The following VTI1A variants were observed in gnomAD, a reference collection of about 807,000 sequenced individuals.
The protein encoded by VTI1A is vesicle transport through interaction with t-SNAREs 1A, also known as vesicle transport through interaction with t-SNAREs homolog 1A.
A neutral mutation model predicts 34.9 loss-of-function variants in VTI1A; 22 were observed. The observed-to-expected ratio is 0.63, with a 90% CI of 0.45 to 0.90. The LOEUF is 0.90. Among genes scored for constraint, VTI1A ranks in the 40% least tolerant of loss-of-function variants. VTI1A has a pLI of 0.00. For missense variants in VTI1A, 268 were observed against 275.6 expected, an observed-to-expected ratio of 0.97 and a Z score of 0.20; for synonymous variants, 87 against 97.3, an observed-to-expected ratio of 0.89 and a Z score of 0.62.
intron 5 of VTI1A, among the ~76,000 whole-genome samples, chr10:112,662,011 A>G (rs1847479885): frequency 6.6e-6 from 1 of 152,076 alleles, no homozygotes. Context: ...ACCTCAGGTG[A>G]TCCACCTGCC....
At chr10:112,786,851 G>A (rs1852304014) in intron 7 of VTI1A, among the ~76,000 whole-genome samples, 1 of 152,136 alleles carries the variant, frequency 6.6e-6, no homozygotes, top group South Asian at 2.1e-4. Context: ...GAATTTTGGT[G>A]TCTGTGTTTA....
At chr10:112,504,180 A>G (rs1162394308) in intron 3 of VTI1A, among the ~76,000 whole-genome samples, 1 of 152,204 alleles carries the variant, frequency 6.6e-6, no homozygotes, top group East Asian at 1.9e-4. Flanking sequence ...GAAAATGATT[A>G]CAGTTATGAT....
At chr10:112,644,295 G>C (rs1846690752) in intron 5 of VTI1A, among the ~76,000 whole-genome samples, 1 of 152,210 alleles carries the variant, frequency 6.6e-6, no homozygotes, top group Non-Finnish European at 1.5e-5. Context: ...GAAGGAATTT[G>C]ACAATTTTGT....
At chr10:112,802,034 GC>G (rs1352279731) in intron 7 of VTI1A, among the ~76,000 whole-genome samples, 1 of 152,170 alleles carries the variant, frequency 6.6e-6, no homozygotes, top group African/African-American at 2.4e-5. Flanking sequence ...GATCGCTGGA[GC>G]CCGGGAATTT....
the VTI1A span, among the ~76,000 whole-genome samples, chr10:112,847,838 T>C: frequency 6.6e-6 from 1 of 152,172 alleles, no homozygotes; most frequent in Non-Finnish European, 1.5e-5. Context: ...CATTGAACAT[T>C]TCCCTAGAAT....
intron 7 of VTI1A, among the ~76,000 whole-genome samples, chr10:112,692,774 G>A (rs1048556557): frequency 2.0e-5 from 3 of 152,180 alleles, no homozygotes; most frequent in Non-Finnish European, 2.9e-5. Flanking sequence ...AATCATCTGC[G>A]TGTTGCCTAA....
chr10:112,752,992 G>T (rs762415934), intron 7 of VTI1A, among the ~76,000 whole-genome samples: 9 of 151,414 alleles, frequency 5.9e-5, no homozygotes, highest in South Asian at 4.2e-4. Context: ...CTGAAAAACG[G>T]TTTTTTTTCC....
At chr10:112,703,762 C>T (rs954182962) in intron 7 of VTI1A, among the ~76,000 whole-genome samples, 7 of 152,156 alleles carry the variant, frequency 4.6e-5, no homozygotes, top group African/African-American at 1.7e-4. Context: ...CTACTTCACT[C>T]ATCCTCACTC....
rs1383803487 is a variant in VTI1A at position 112,767,872 on chromosome 10, C to T, written c.561-47418C>T. Among the ~76,000 whole-genome samples, 1 of 152,132 alleles carries T rather than the reference C, an allele frequency of 6.6e-6. No homozygotes were observed. The highest frequency in any genetic ancestry group is 1.5e-5 in the Non-Finnish European group (1 of 68,026). On this transcript the variant is annotated intron_variant, in intron 7 of 7. Coordinates refer to ENST00000393077, the MANE Select transcript of VTI1A (RefSeq NM_145206.4). The surrounding 1 kb of genome is among the most constrained non-coding windows in gnomAD (Gnocchi z 4.0). ...TGGGCCCTTCACCTCTTCCTAGGAC[C>T]AGTCTTGTCATCAGGCATCTTGGGG...
chr10:112,710,741 C>T (rs1201454432), intron 7 of VTI1A, among the ~76,000 whole-genome samples: 1 of 152,060 alleles, frequency 6.6e-6, no homozygotes, highest in Non-Finnish European at 1.5e-5. Context: ...GAGTTATCTG[C>T]CTTAGCTCTG....
At chr10:112,671,634 G>A (rs576360083) in intron 7 of VTI1A, among the ~76,000 whole-genome samples, 11 of 152,250 alleles carry the variant, frequency 7.2e-5, no homozygotes, top group South Asian at 2.1e-4. Flanking sequence ...GCCATTTTAC[G>A]TATGGTCTGT....
At chr10:112,736,268 C>A (rs946689551) in intron 7 of VTI1A, among the ~76,000 whole-genome samples, 6 of 151,528 alleles carry the variant, frequency 4.0e-5, no homozygotes, top group Non-Finnish European at 8.8e-5. Context: ...TACCTAATAT[C>A]TCATATTTAT....
chr10:112,726,443 G>C (rs1850030248), intron 7 of VTI1A, among the ~76,000 whole-genome samples: 1 of 152,126 alleles, frequency 6.6e-6, no homozygotes. Context: ...TCTTAACCCA[G>C]AACAACCATG....
intron 5 of VTI1A, among the ~76,000 whole-genome samples, chr10:112,551,580 C>T (rs1589893675): frequency 6.6e-6 from 1 of 152,154 alleles, no homozygotes; most frequent in African/African-American, 2.4e-5. Context: ...AATCCTGGCA[C>T]TGTCCTTGGC....
At chr10:112,515,307 G>A (rs2134189982) in intron 3 of VTI1A, among the ~76,000 whole-genome samples, 1 of 152,094 alleles carries the variant, frequency 6.6e-6, no homozygotes, top group East Asian at 1.9e-4. Flanking sequence ...AAACATAATG[G>A]AGGAAATTAA....
intron 6 of VTI1A, among the ~76,000 whole-genome samples, chr10:112,668,646 C>T (rs1201595644): frequency 6.6e-6 from 1 of 152,116 alleles, no homozygotes; most frequent in Non-Finnish European, 1.5e-5. Flanking sequence ...TTTGCACATT[C>T]ATAAGCTGGA....
the VTI1A span, among the ~76,000 whole-genome samples, chr10:112,845,905 C>A: frequency 6.6e-6 from 1 of 152,168 alleles, no homozygotes; most frequent in Non-Finnish European, 1.5e-5. Context: ...GTAATCCCAG[C>A]TACTTGGGAG....
chr10:112,581,020 T>C (rs1381008348), intron 5 of VTI1A, among the ~76,000 whole-genome samples: 2 of 152,124 alleles, frequency 1.3e-5, no homozygotes, highest in Admixed American at 1.3e-4. Flanking sequence ...TAAATATAAG[T>C]TTGCATTTCC....
intron 7 of VTI1A, among the ~76,000 whole-genome samples, chr10:112,756,911 G>A (rs976327370): frequency 6.6e-6 from 1 of 152,006 alleles, no homozygotes; most frequent in Admixed American, 6.6e-5. Flanking sequence ...AGTCAGGCAT[G>A]GTGGTGTGCC....
Sources: gnomAD v4.1 joint callset for allele counts (sites outside exome capture counted in the v4.1 genomes callset) on GRCh38, gnomAD v4.1.1 for gene constraint, Gnocchi (gnomAD v3.1) non-coding constraint, MANE v1.5 for transcripts, NCBI Gene and HGNC (gene_info 2026-07-23, HGNC 2026-07-21) for gene names.